Variants in UBR2 observed in about 807,000 individuals in gnomAD.
UBR2 encodes the protein E3 ubiquitin-protein ligase UBR2.
Under a neutral mutation model 247.9 loss-of-function variants are expected in UBR2, and 92 were observed. That is an observed-to-expected ratio of 0.37 (90% CI 0.31 to 0.44). The LOEUF is 0.44. Among genes scored for constraint, UBR2 ranks in the 20% least tolerant of loss-of-function variants. The pLI, the probability that UBR2 is intolerant of heterozygous loss-of-function variation, is 1.00. For missense variants in UBR2, 1,613 were observed against 2,112.6 expected (o/e 0.76, Z 4.64); for synonymous variants, 672 against 693.5 (o/e 0.97, Z 0.49).
At chr6:42,632,069 A>AAAAAAAAAAAAAATAT (rs56721828) in intron 11 of UBR2, among the ~76,000 whole-genome samples, 1 of 114,088 alleles carries the variant, frequency 8.8e-6, no homozygotes, top group African/African-American at 3.4e-5. Flanking sequence ...AAAAAAAAAA[A>AAAAAAAAAAAAAATAT]ATATATATAT....
intron 10 of UBR2, 112 bp from the exon 11 acceptor site, chr6:42,617,297 G>T (rs757015626): frequency 1.2e-6 from 2 of 1,613,986 alleles, no homozygotes; most frequent in Non-Finnish European, 1.7e-6. Flanking sequence ...AGCAGTGTCG[G>T]TGACTGCTCT....
chr6:42,647,414 TACTAAAAAAA>T (rs1554258215), intron 21 of UBR2, among the ~76,000 whole-genome samples: 1 of 81,830 alleles, frequency 1.2e-5, no homozygotes, highest in African/African-American at 5.1e-5. Context: ...ACCCCATCGC[TACTAAAAAAA>T]AAAAAAAAAA....
Position 42,658,544 on chromosome 6 carries a change from G to A in UBR2, c.3064-102G>A. 7 of 1,218,858 alleles carry A rather than the reference G, an allele frequency of 5.7e-6. 1 individual carries two copies. In the South Asian group the frequency reaches 1.2e-4, roughly 21 times the overall value. 75.5% of individuals were successfully genotyped at this position (1,218,858 alleles called of 1,614,324 possible). A position where few individuals can be genotyped will look rare whatever the true frequency, so the allele number is the denominator to read the frequency against. ...TCTTATTTAAATAAGTGAGATTATA[G>A]AATAGTTTTTTAATTGGTATTTACA... On this transcript the variant is annotated intron_variant, in intron 28 of 46. Coordinates refer to ENST00000372901, the MANE Select transcript of UBR2 (RefSeq NM_001363705.2).
Position 42,617,327 on chromosome 6 carries a change from G to A in UBR2, c.1183-82G>A, listed in dbSNP as rs543956612. ...TGCTCTATCTGTCCAGTTCTTCACC[G>A]CACCTACTCTGGTGAGTAGTGCTTG... On this transcript the variant is annotated intron_variant, in intron 10 of 46. Coordinates refer to ENST00000372901, the MANE Select transcript of UBR2 (RefSeq NM_001363705.2). The A allele has an allele frequency of 1.9e-5, 31 of 1,613,992 alleles. No homozygotes were observed. The highest frequency in any genetic ancestry group is 3.3e-5 in the Admixed American group (2 of 60,010).
At chr6:42,636,852 G>A (rs1325357318) in intron 14 of UBR2, among the ~76,000 whole-genome samples, 159 bp from the exon 15 acceptor site, 1 of 152,116 alleles carries the variant, frequency 6.6e-6, no homozygotes, top group Non-Finnish European at 1.5e-5. Context: ...TCACTGAGAT[G>A]AGGGACACTG....
chr6:42,618,244 A>G lies in UBR2; in HGVS notation c.1281+737A>G, dbSNP rs564822690. ...TTTTCCCACACTTCAGGGCTTTTCT[A>G]AGAAAGGTGCCTTTATGCAAGGGCA... On this transcript the variant is annotated intron_variant, in intron 11 of 46. Coordinates refer to ENST00000372901, the MANE Select transcript of UBR2 (RefSeq NM_001363705.2). Among the ~76,000 whole-genome samples the G allele has an allele frequency of 2.6e-5, 4 of 152,314 alleles. No homozygotes were observed. The South Asian group carries it at 6.2e-4, about 24-fold the overall frequency.
At chr6:42,661,524 T>A (rs967785753) in intron 30 of UBR2, among the ~76,000 whole-genome samples, 1 of 152,174 alleles carries the variant, frequency 6.6e-6, no homozygotes, top group African/African-American at 2.4e-5. Flanking sequence ...TTATACTAAT[T>A]TATATAAAGA....
intron 4 of UBR2, among the ~76,000 whole-genome samples, chr6:42,600,625 C>CAA (rs71680032): frequency 0.015 from 1,577 of 106,090 alleles, 67 homozygotes; most frequent in African/African-American, 0.055. Context: ...GTTACTGTAG[C>CAA]AAAAAAAAAA....
rs764150228 is a variant in UBR2 at position 42,564,297 on chromosome 6, G to T, written c.-23G>T. 6.2e-7 allele frequency: 1 copy of T among 1,601,386 alleles called. No homozygotes were observed. Among genetic ancestry groups the T allele is most frequent in the Non-Finnish European group, 8.5e-7 (1 of 1,175,140 alleles). The stretch of plus-strand genomic sequence containing the variant: ...CTGCAGCTCTCCGGGCGGCGGTAGC[G>T]CTGGGGAGGAGGAGGAGAGAAGATG... On this transcript the variant is annotated 5_prime_UTR_variant, in exon 1 of 47. Transcript: ENST00000372901.
intron 11 of UBR2, among the ~76,000 whole-genome samples, chr6:42,627,643 G>A (rs745975044): frequency 6.6e-6 from 1 of 151,870 alleles, no homozygotes; most frequent in Non-Finnish European, 1.5e-5. Context: ...GACTACAAGT[G>A]TGCGCCACTA....
chr6:42,673,761 T>G, intron 36 of UBR2, 30 bp from the exon 37 acceptor site: 3 of 1,576,140 alleles, frequency 1.9e-6, no homozygotes, highest in Non-Finnish European at 2.6e-6. Context: ...TGCATTTTTG[T>G]TTTTTGTTAA....
chr6:42,645,667 T>G, intron 21 of UBR2, 77 bp downstream of exon 21: 1 of 1,430,720 alleles, frequency 7.0e-7, no homozygotes, highest in Non-Finnish European at 9.6e-7. Flanking sequence ...TAGATTTACT[T>G]CTGTATACCT....
At position 42,573,887 on chromosome 6, in the gene UBR2, T is replaced by C. The variant is rs764853763; in HGVS notation, c.232T>C (p.Cys78Arg). 12 of 1,614,088 alleles carry C rather than the reference T, an allele frequency of 7.4e-6. No homozygotes were observed. The highest frequency in any genetic ancestry group is 9.3e-6 in the Non-Finnish European group (11 of 1,180,006). Residue 78 changes from cysteine to arginine, a missense_variant, in exon 2 of 47, where the codon TGT becomes CGT. This residue lies in a region of UBR2 where 1,524 missense variants were observed against 1,967.3 expected (regional missense o/e 0.77). Coordinates refer to ENST00000372901, the MANE Select transcript of UBR2 (RefSeq NM_001363705.2). ...GTTGGGACCAATGGAATGGTACCTT[T>C]GTGGTGAAGATCCTGCATTTGGATT... ...VLLGPMEWYLCGEDPAFGFPK... is the reference protein window; with the variant it reads ...VLLGPMEWYLRGEDPAFGFPK...
chr6:42,646,767 G>A (rs1487767392), intron 21 of UBR2, among the ~76,000 whole-genome samples: 1 of 151,132 alleles, frequency 6.6e-6, no homozygotes, highest in Non-Finnish European at 1.5e-5. Flanking sequence ...CTATCTTTAT[G>A]TTATCACACT....
At chr6:42,684,246 C>T (rs1359276296) in intron 43 of UBR2, among the ~76,000 whole-genome samples, 1 of 152,110 alleles carries the variant, frequency 6.6e-6, no homozygotes, top group African/African-American at 2.4e-5. Context: ...CATGTCTGTC[C>T]CCTCAAAATT....
chr6:42,614,251 C>T lies in UBR2; in HGVS notation c.986-820C>T, dbSNP rs1331502577. ...ACACACACACACACACACACGCGCG[C>T]ACATATATATACACACACACGTACA... On this transcript the variant is annotated intron_variant, in intron 8 of 46. Coordinates refer to ENST00000372901, the MANE Select transcript of UBR2 (RefSeq NM_001363705.2). Among the ~76,000 whole-genome samples, 36 of 136,286 alleles carry T rather than the reference C, an allele frequency of 2.6e-4. 1 individual carries two copies. Among genetic ancestry groups the T allele is most frequent in the South Asian group, 1.4e-3 (6 of 4,248 alleles). The allele number at this position is 136,286 out of a possible 152,430, so 89.4% of individuals were successfully genotyped here. A position where few individuals can be genotyped will look rare whatever the true frequency, so the allele number is the denominator to read the frequency against.
Position 42,659,992 on chromosome 6 carries a change from G to A in UBR2, c.3442+137G>A. The A allele has an allele frequency of 1.2e-6, 1 of 812,046 alleles. No individual in the cohort carries two copies. Among genetic ancestry groups the A allele is most frequent in the Non-Finnish European group, 1.9e-6 (1 of 522,672 alleles). 50.3% of individuals were successfully genotyped at this position (812,046 alleles called of 1,614,324 possible). On this transcript the variant is annotated intron_variant, in intron 30 of 46. Transcript: ENST00000372901. The surrounding 1 kb of genome is among the most constrained non-coding windows in gnomAD (Gnocchi z 4.3). ...GTATCTTTGGCAGGTAACTTAGGCA[G>A]GAATTCCCCACTTGGCAGATGTGGA...
chr6:42,579,139 G>A (rs2151907424), intron 2 of UBR2, among the ~76,000 whole-genome samples: 1 of 152,310 alleles, frequency 6.6e-6, no homozygotes, highest in South Asian at 2.1e-4. Flanking sequence ...CTGCAAGACT[G>A]TACAAGCATG....
intron 15 of UBR2, among the ~76,000 whole-genome samples, chr6:42,637,857 A>G (rs1796200712): frequency 6.6e-6 from 1 of 152,164 alleles, no homozygotes; most frequent in African/African-American, 2.4e-5. Flanking sequence ...TACAGCTTTC[A>G]TATTTCTTGA....
Sources: gnomAD v4.1 joint callset for allele counts (sites outside exome capture counted in the v4.1 genomes callset) on GRCh38, gnomAD v4.1.1 for gene constraint, gnomAD v4.1.1 regional missense constraint, Gnocchi (gnomAD v3.1) non-coding constraint, MANE v1.5 for transcripts, NCBI Gene and HGNC (gene_info 2026-07-23, HGNC 2026-07-21) for gene names.